The following NR5A2 variants were observed in gnomAD, a reference collection of about 807,000 sequenced individuals.
The protein encoded by NR5A2 is nuclear receptor subfamily 5 group A member 2.
Under a neutral mutation model 62.7 loss-of-function variants are expected in NR5A2, and 26 were observed. That is an observed-to-expected ratio of 0.41 (90% CI 0.30 to 0.58). The LOEUF is 0.58. Among genes scored for constraint, NR5A2 ranks in the 20% least tolerant of loss-of-function variants. NR5A2 has a pLI of 0.22. For synonymous variants in NR5A2, 246 were observed against 241.7 expected (o/e 1.02, Z -0.16); for missense variants, 541 against 669.1 (o/e 0.81, Z 2.11).
At chr1:200,062,377 G>A (rs1175787248) in intron 5 of NR5A2, among the ~76,000 whole-genome samples, 3 of 152,040 alleles carry the variant, frequency 2.0e-5, no homozygotes, top group Non-Finnish European at 2.9e-5. Flanking sequence ...GTATCCTGTG[G>A]ACTCTGAAAC....
chr1:200,117,454 CAATTG>C (rs893065410), intron 6 of NR5A2, among the ~76,000 whole-genome samples: 2 of 152,128 alleles, frequency 1.3e-5, no homozygotes, highest in African/African-American at 4.8e-5. Context: ...GTTGGTAAAC[CAATTG>C]ATTTTTTGAG....
At chr1:200,107,104 A>C (rs918427044) in intron 5 of NR5A2, among the ~76,000 whole-genome samples, 3 of 152,210 alleles carry the variant, frequency 2.0e-5, no homozygotes, top group Admixed American at 6.5e-5. Context: ...GCAGACCTGC[A>C]GGGCACGTGT....
chr1:200,085,690 A>C (rs1475414565), intron 5 of NR5A2, among the ~76,000 whole-genome samples: 3 of 152,090 alleles, frequency 2.0e-5, no homozygotes, highest in Non-Finnish European at 4.4e-5. Context: ...AAAGAAAGAA[A>C]GAAATGGTCT....
intron 6 of NR5A2, among the ~76,000 whole-genome samples, chr1:200,119,894 C>CCA (rs1179194896): frequency 3.3e-5 from 5 of 152,224 alleles, no homozygotes; most frequent in African/African-American, 1.2e-4. Flanking sequence ...CAGGCATGAG[C>CCA]CACCGTGCCC....
intron 7 of NR5A2, among the ~76,000 whole-genome samples, chr1:200,165,172 C>G (rs1653840562): frequency 6.6e-6 from 1 of 152,092 alleles, no homozygotes; most frequent in Non-Finnish European, 1.5e-5. Flanking sequence ...CCACCGTGCC[C>G]AGCCCTGGAG....
At chr1:200,102,019 A>T (rs1474985726) in intron 5 of NR5A2, among the ~76,000 whole-genome samples, 1 of 152,224 alleles carries the variant, frequency 6.6e-6, no homozygotes, top group Non-Finnish European at 1.5e-5. Context: ...AACCTCAAAG[A>T]TGTCACTCAC....
intron 5 of NR5A2, among the ~76,000 whole-genome samples, chr1:200,067,430 C>T (rs566096885): frequency 6.6e-6 from 1 of 152,320 alleles, no homozygotes; most frequent in African/African-American, 2.4e-5. Context: ...GTGGCGGGTG[C>T]CTGTAATCCC....
chr1:200,136,915 A>C (rs2102338230), intron 7 of NR5A2, among the ~76,000 whole-genome samples: 2 of 152,266 alleles, frequency 1.3e-5, no homozygotes, highest in Middle Eastern at 3.4e-3. Context: ...GCACTGCTGA[A>C]ATTATAGGGT....
At chr1:200,149,076 C>A (rs1667867196) in intron 7 of NR5A2, among the ~76,000 whole-genome samples, 1 of 152,144 alleles carries the variant, frequency 6.6e-6, no homozygotes, top group South Asian at 2.1e-4. Flanking sequence ...CCATGCCCAA[C>A]TAATTTTTGT....
chr1:200,122,901 G>A (rs75416269), intron 7 of NR5A2, among the ~76,000 whole-genome samples: 3,272 of 152,256 alleles, frequency 0.021, 111 homozygotes, highest in African/African-American at 0.069. Context: ...TTTGTGAGTG[G>A]AAAAACTTTT....
chr1:200,135,382 G>A (rs1667170875), intron 7 of NR5A2, among the ~76,000 whole-genome samples: 1 of 152,128 alleles, frequency 6.6e-6, no homozygotes, highest in Non-Finnish European at 1.5e-5. Flanking sequence ...TTAGCCGGGT[G>A]TGGTGGCATG....
At chr1:200,155,905 C>A (rs1571568798) in intron 7 of NR5A2, among the ~76,000 whole-genome samples, 2 of 152,086 alleles carry the variant, frequency 1.3e-5, no homozygotes, top group East Asian at 3.9e-4. Flanking sequence ...AACTCCTGAC[C>A]TCAAGTGATC....
chr1:200,035,088 G>A (rs2102137188), intron 1 of NR5A2, among the ~76,000 whole-genome samples: 1 of 152,144 alleles, frequency 6.6e-6, no homozygotes, highest in African/African-American at 2.4e-5. Context: ...GGAAAAATTA[G>A]GCAGACCCGG....
rs573669027 is a variant in NR5A2, at chr1:200,133,638, C to G, written c.1378+12683C>G. Among the ~76,000 whole-genome samples the G allele has an allele frequency of 1.7e-3, 247 of 146,522 alleles. 1 individual carries two copies. The highest frequency in any genetic ancestry group is 5.9e-3 in the African/African-American group (233 of 39,648). ...ACACACACACACACGTATATATGTACATATATACATTATATATATATGGTC... is the reference window on the plus strand; with the variant it reads ...ACACACACACACACGTATATATGTAGATATATACATTATATATATATGGTC... On this transcript the variant is annotated intron_variant, in intron 7 of 7. Transcript: ENST00000367362.
chr1:200,032,357 C>T (rs1661578307), intron 1 of NR5A2, among the ~76,000 whole-genome samples: 1 of 152,142 alleles, frequency 6.6e-6, no homozygotes, highest in Non-Finnish European at 1.5e-5. Flanking sequence ...TAAAGGTTGT[C>T]TCTTCTTTAG....
chr1:200,164,794 C>T (rs905603117), intron 7 of NR5A2, among the ~76,000 whole-genome samples: 3 of 151,466 alleles, frequency 2.0e-5, no homozygotes, highest in African/African-American at 7.3e-5. Flanking sequence ...GTGATCCACC[C>T]GCCTTGGCCT....
chr1:200,145,905 G>A (rs2821344), intron 7 of NR5A2, among the ~76,000 whole-genome samples: 135,552 of 152,206 alleles, frequency 0.89, 61,648 homozygotes, highest in Non-Finnish European at 0.98. Flanking sequence ...CATATATTAG[G>A]AGAACACTGT....
Position 200,139,035 on chromosome 1 carries a change from T to A in NR5A2, c.1378+18080T>A, listed in dbSNP as rs79931158. ...GGGAGTATTGAGACTTTCCCGTTCATGAACATAGTTCATCTTTCCTTTAGT... is the reference window on the plus strand; with the variant it reads ...GGGAGTATTGAGACTTTCCCGTTCAAGAACATAGTTCATCTTTCCTTTAGT... On this transcript the variant is annotated intron_variant, in intron 7 of 7. Coordinates refer to ENST00000367362, the MANE Select transcript of NR5A2 (RefSeq NM_205860.3). Among the ~76,000 whole-genome samples, 186 of 152,336 alleles carry A rather than the reference T, an allele frequency of 1.2e-3. 1 individual carries two copies. The East Asian group carries it at 0.031, about 26-fold the overall frequency.
At chr1:200,064,548 C>G (rs1389626332) in intron 5 of NR5A2, among the ~76,000 whole-genome samples, 2 of 152,124 alleles carry the variant, frequency 1.3e-5, no homozygotes, top group Non-Finnish European at 2.9e-5. Context: ...TAAAGCTGGA[C>G]AGGTGAGCAG....
Sources: allele counts gnomAD v4.1 joint callset (sites outside exome capture counted in the v4.1 genomes callset), GRCh38; gene constraint gnomAD v4.1.1; transcripts MANE v1.5; gene names NCBI Gene and HGNC (gene_info 2026-07-23, HGNC 2026-07-21).